WDPCP: variants seen among roughly 807,000 people sequenced by gnomAD.
WDPCP encodes WD repeat-containing and planar cell polarity effector protein fritz homolog.
In WDPCP, 71 loss-of-function variants were observed where a neutral mutation model predicts 93.1. The ratio of observed to expected loss-of-function variants is 0.76; its 90% CI spans 0.63 to 0.93. The LOEUF (loss-of-function observed/expected upper bound fraction) is 0.93, where lower values mean the gene tolerates loss of function less well. WDPCP is among the 40% of genes least tolerant of loss of function. The probability of loss-of-function intolerance (pLI) is 0.00; values close to 1 mark genes in which losing one functional copy is unlikely to be tolerated. For missense variants in WDPCP, 844 were observed against 887.4 expected (o/e 0.95, Z 0.62); for synonymous variants, 315 against 315.0 (o/e 1.00, Z 0.00).
chr2:63,234,841 A>C (rs186184956), intron 14 of WDPCP, among the ~76,000 whole-genome samples: 8 of 152,314 alleles, frequency 5.3e-5, no homozygotes, highest in African/African-American at 1.7e-4. Context: ...CTTCTAACAG[A>C]AATGATATAT....
At chr2:63,363,981 C>T (rs1690692884) in intron 12 of WDPCP, among the ~76,000 whole-genome samples, 1 of 152,122 alleles carries the variant, frequency 6.6e-6, no homozygotes, top group African/African-American at 2.4e-5. Flanking sequence ...TCAAGGCAGA[C>T]ATGCACTATG....
chr2:63,613,639 G>A (rs1350193211), intron 3 of WDPCP, among the ~76,000 whole-genome samples: 2 of 152,180 alleles, frequency 1.3e-5, no homozygotes, highest in African/African-American at 4.8e-5. Context: ...AAAGGAATCT[G>A]GGCAGAAACA....
Position 63,174,769 on chromosome 2 carries a change from G to A in WDPCP, c.1979C>T (p.Ala660Val). The change falls in exon 15 of 18, where the codon GCA (alanine) becomes GTA (valine). Residue 660 changes from alanine to valine, a missense_variant. Ala to Val is a moderately conservative substitution (Grantham distance 64). Coordinates refer to ENST00000272321, the MANE Select transcript of WDPCP (RefSeq NM_015910.7). ...LNEAFIGLSLAPQGEDSFPDN... is the reference protein window; with the variant it reads ...LNEAFIGLSLVPQGEDSFPDN... ...TGGAAATGAGTCTTCTCCTTGAGGT[G>A]CTAAAGACAGGCCAATAAATGCTTC... 2.5e-6 allele frequency: 4 copies of A among 1,613,958 alleles called. No individual in the cohort carries two copies. The highest frequency in any genetic ancestry group is 3.4e-6 in the Non-Finnish European group (4 of 1,179,932).
intron 2 of WDPCP, among the ~76,000 whole-genome samples, chr2:63,692,885 AT>A (rs1286444784): frequency 6.6e-6 from 1 of 152,206 alleles, no homozygotes; most frequent in Non-Finnish European, 1.5e-5. Context: ...ATTGAAATGC[AT>A]TCTGTCTCAT....
At chr2:63,410,384 C>T (rs529667618) in intron 9 of WDPCP, among the ~76,000 whole-genome samples, 1 of 152,228 alleles carries the variant, frequency 6.6e-6, no homozygotes, top group African/African-American at 2.4e-5. Context: ...AATCTTGAAA[C>T]AAATCCTGGA....
At chr2:63,242,111 G>A (rs1679903081) in intron 14 of WDPCP, among the ~76,000 whole-genome samples, 1 of 152,090 alleles carries the variant, frequency 6.6e-6, no homozygotes, top group African/African-American at 2.4e-5. Context: ...GTAATAATAT[G>A]AGTGATCTTT....
upstream of WDPCP, among the ~76,000 whole-genome samples, chr2:63,829,817 G>T (rs951373955): frequency 6.6e-6 from 1 of 151,976 alleles, no homozygotes; most frequent in Non-Finnish European, 1.5e-5. Context: ...GAAAATTAAA[G>T]ATTTTTTCAG....
intron 17 of WDPCP, among the ~76,000 whole-genome samples, chr2:63,125,730 T>G (rs1259929763): frequency 6.6e-6 from 1 of 152,048 alleles, no homozygotes; most frequent in Non-Finnish European, 1.5e-5. Flanking sequence ...TGCCTCAGCC[T>G]TCTGAGTAGC....
intron 7 of WDPCP, 80 bp from the exon 8 acceptor site, chr2:63,437,634 T>C: frequency 1.5e-6 from 2 of 1,315,036 alleles, no homozygotes; most frequent in Non-Finnish European, 2.1e-6. Flanking sequence ...CAAAAAGCTA[T>C]TTTCAAACAT....
chr2:63,358,609 A>G (rs1297949582), intron 12 of WDPCP, among the ~76,000 whole-genome samples: 1 of 152,110 alleles, frequency 6.6e-6, no homozygotes. Context: ...GGTGTGCACC[A>G]TCACACCTGG....
At chr2:63,806,271 G>T (rs1225820936) in intron 2 of WDPCP, among the ~76,000 whole-genome samples, 3 of 152,136 alleles carry the variant, frequency 2.0e-5, no homozygotes, top group Non-Finnish European at 2.9e-5. Flanking sequence ...AGGCGTCCGG[G>T]GGGGACATCA....
intron 1 of WDPCP, among the ~76,000 whole-genome samples, chr2:63,568,356 A>AC (rs1707230390): frequency 9.8e-5 from 1 of 10,236 alleles, no homozygotes; most frequent in Admixed American, 1.6e-3. Flanking sequence ...AAAAAAAAAC[A>AC]AAAAAAAACC....
intron 3 of WDPCP, chr2:63,622,865 G>T: frequency 6.4e-7 from 1 of 1,560,126 alleles, no homozygotes; most frequent in East Asian, 2.3e-5. Context: ...CACCCGCGCA[G>T]CATCAGGGGT....
At chr2:63,458,188 C>T (rs900676464) in intron 6 of WDPCP, among the ~76,000 whole-genome samples, 6 of 147,388 alleles carry the variant, frequency 4.1e-5, no homozygotes, top group South Asian at 2.2e-4. Context: ...CATTCCTAAT[C>T]GACATAGTAC....
At chr2:63,586,595 G>A (rs546574421) in intron 1 of WDPCP, among the ~76,000 whole-genome samples, 2 of 152,206 alleles carry the variant, frequency 1.3e-5, no homozygotes, top group South Asian at 2.1e-4. Context: ...TTCTCTTGCA[G>A]TGTATTATAT....
In WDPCP at chr2:63,121,334, T is replaced by G. The variant is rs1669532976; in HGVS notation, c.*672A>C. On this transcript the variant is annotated 3_prime_UTR_variant, in exon 18 of 18. Transcript: ENST00000272321. ...ATACTGTATTTGTAATGTAAATTAA[T>G]AATGTAAACAAGAGCAGAAGAGGAC... The G allele has an allele frequency of 6.6e-6, 1 of 151,558 alleles. No homozygotes were observed. The highest frequency in any genetic ancestry group is 2.1e-4 in the South Asian group (1 of 4,820). The allele number at this position is 151,558 out of a possible 1,614,324, so 9.4% of individuals were successfully genotyped here.
intron 2 of WDPCP, among the ~76,000 whole-genome samples, chr2:63,788,973 C>T (rs1670507524): frequency 6.6e-6 from 1 of 152,150 alleles, no homozygotes; most frequent in African/African-American, 2.4e-5. Context: ...TCCTGAATTC[C>T]TGGGCTCAAG....
intron 10 of WDPCP, among the ~76,000 whole-genome samples, chr2:63,385,554 C>CA (rs1267830408): frequency 6.6e-6 from 1 of 151,986 alleles, no homozygotes; most frequent in Non-Finnish European, 1.5e-5. Flanking sequence ...ATAAATATAA[C>CA]AAAGCATGTA....
chr2:63,805,013 G>A, intron 2 of WDPCP, among the ~76,000 whole-genome samples: 1 of 152,012 alleles, frequency 6.6e-6, no homozygotes, highest in East Asian at 1.9e-4. Context: ...GGATGAAAGA[G>A]TGAAACTCCA....
Sources: allele counts gnomAD v4.1 joint callset (sites outside exome capture counted in the v4.1 genomes callset), GRCh38; gene constraint gnomAD v4.1.1; transcripts MANE v1.5; gene names NCBI Gene and HGNC (gene_info 2026-07-23, HGNC 2026-07-21).